COBL: variants seen among roughly 807,000 people sequenced by gnomAD.
COBL encodes the protein protein cordon-bleu.
Under a neutral mutation model 98.8 loss-of-function variants are expected in COBL, and 51 were observed. The observed-to-expected ratio is 0.52, with a 90% CI of 0.41 to 0.65. The LOEUF is 0.65. Ranked by LOEUF, COBL falls within the 30% of genes least tolerant of loss-of-function variation. The probability of loss-of-function intolerance (pLI) is 0.00; values close to 1 mark genes in which losing one functional copy is unlikely to be tolerated. For synonymous variants in COBL, 634 were observed against 651.7 expected (o/e 0.97, Z 0.41); for missense variants, 1,617 against 1,617.5 (o/e 1.00, Z 0.01).
At chr7:51,020,340 A>C (rs2240085) in intron 12 of COBL, among the ~76,000 whole-genome samples, 62,256 of 152,024 alleles carry the variant, frequency 0.41, 15,571 homozygotes, top group Non-Finnish European at 0.58. Context: ...TCTTTGGAAA[A>C]GTTCCTAAGG....
At position 51,028,062 on chromosome 7, in the gene COBL, G is replaced by A. The variant is rs1258852510; in HGVS notation, c.3034C>T (p.Pro1012Ser). 7 of 1,612,536 alleles carry A rather than the reference G, an allele frequency of 4.3e-6. No homozygotes were observed. Among genetic ancestry groups the A allele is most frequent in the Non-Finnish European group, 5.9e-6 (7 of 1,179,270 alleles). Residue 1012 changes from proline (P) to serine (S), a missense_variant, in exon 10 of 13, where the codon CCC (proline) becomes TCC (serine). By Grantham distance (74) the Pro-to-Ser change is moderately conservative. This residue lies in a region of COBL where 1,304 missense variants were observed against 1,282.0 expected (regional missense o/e 1.02). Coordinates refer to ENST00000265136, the MANE Select transcript of COBL (RefSeq NM_015198.5). ...SSQEASSASE[P>S]RRAPDGTDPP... The stretch of plus-strand genomic sequence containing the variant: ...TCTGTACCATCAGGTGCGCGTCTGG[G>A]CTCAGATGCTGAGCTGGCCTCCTGG...
chr7:51,261,514 G>A (rs941137356), intron 1 of COBL, among the ~76,000 whole-genome samples: 4 of 152,188 alleles, frequency 2.6e-5, no homozygotes, highest in Non-Finnish European at 5.9e-5. Context: ...AAACACCAAT[G>A]GTGATTTCGT....
rs754453497 is a variant in COBL, at chr7:51,076,393, G to A, written c.1096+8773C>T. Among the ~76,000 whole-genome samples, 19 of 152,186 alleles carry A rather than the reference G, an allele frequency of 1.2e-4. 1 individual carries two copies. The highest frequency in any genetic ancestry group is 6.5e-5 in the Admixed American group (1 of 15,278). On this transcript the variant is annotated intron_variant, in intron 7 of 12. Coordinates refer to ENST00000265136, the MANE Select transcript of COBL (RefSeq NM_015198.5). ...CTCAAGCAGCACATGGCTGTTCACC[G>A]AGCCAGCAGCCCTTAGTGAGCATCT...
intron 7 of COBL, among the ~76,000 whole-genome samples, chr7:51,062,289 CTCTT>C (rs986973178): frequency 2.2e-4 from 33 of 152,024 alleles, no homozygotes; most frequent in East Asian, 1.5e-3. Context: ...CTCTCTCTCT[CTCTT>C]TAATTTGCGT....
chr7:51,294,074 T>C (rs372994561), intron 1 of COBL, among the ~76,000 whole-genome samples: 10 of 152,212 alleles, frequency 6.6e-5, no homozygotes, highest in African/African-American at 2.2e-4. Flanking sequence ...GCAGATCACT[T>C]GAGGTCAGGA....
chr7:51,197,149 T>C lies in COBL; in HGVS notation c.246-3560A>G, dbSNP rs1038564005. On this transcript the variant is annotated intron_variant, in intron 2 of 12. Transcript: ENST00000265136. ...TAAACTGAGATCTAACTTTTTGATG[T>C]AGGCATTTGCTGCTATAAATTTCTC... Among the ~76,000 whole-genome samples the C allele has an allele frequency of 4.2e-4, 64 of 152,292 alleles. 1 individual carries two copies. The highest frequency in any genetic ancestry group is 3.3e-3 in the Admixed American group (50 of 15,288).
chr7:51,113,873 G>C (rs1797048793), intron 6 of COBL, among the ~76,000 whole-genome samples: 2 of 152,140 alleles, frequency 1.3e-5, no homozygotes, highest in Non-Finnish European at 2.9e-5. Context: ...AAATAATCAA[G>C]GCCTGTGATT....
chr7:51,276,068 A>G (rs923532228), intron 1 of COBL, among the ~76,000 whole-genome samples: 2 of 152,220 alleles, frequency 1.3e-5, no homozygotes, highest in African/African-American at 4.8e-5. Flanking sequence ...ACAAATATCA[A>G]GCTCATAAAT....
intron 6 of COBL, among the ~76,000 whole-genome samples, chr7:51,099,031 G>A (rs1010742138): frequency 1.3e-5 from 2 of 151,510 alleles, no homozygotes; most frequent in Admixed American, 6.6e-5. Flanking sequence ...TAATCATCTG[G>A]GAAATGCAAA....
chr7:51,120,134 G>C (rs1337381686), intron 6 of COBL, among the ~76,000 whole-genome samples: 1 of 152,118 alleles, frequency 6.6e-6, no homozygotes, highest in Non-Finnish European at 1.5e-5. Flanking sequence ...AGAAAAAATA[G>C]AAAACAACAG....
At chr7:51,180,424 G>A (rs1232328955) in intron 5 of COBL, among the ~76,000 whole-genome samples, 4 of 152,230 alleles carry the variant, frequency 2.6e-5, no homozygotes, top group Non-Finnish European at 5.9e-5. Flanking sequence ...GGCACAGTTA[G>A]ATGGTAAATC....
intron 2 of COBL, among the ~76,000 whole-genome samples, chr7:51,200,498 G>A (rs1218681204): frequency 3.9e-5 from 6 of 152,160 alleles, no homozygotes; most frequent in African/African-American, 9.7e-5. Flanking sequence ...TCTGTGGGAG[G>A]GGGAAGTAAA....
At chr7:51,153,825 C>T (rs370320034) in intron 5 of COBL, among the ~76,000 whole-genome samples, 17 of 152,148 alleles carry the variant, frequency 1.1e-4, no homozygotes, top group African/African-American at 3.6e-4. Context: ...AGTGCTGTCA[C>T]GCAGCGGCCA....
In COBL at chr7:51,148,298, C is replaced by T. The variant is rs141927683; in HGVS notation, c.784-11967G>A. On this transcript the variant is annotated intron_variant, in intron 5 of 12. Transcript: ENST00000265136. ...GGACCCATTTCCCCTCATCTTCCCTCGCTTTGTCTTTCTCTCACAGCTCAC... is the reference window on the plus strand; with the variant it reads ...GGACCCATTTCCCCTCATCTTCCCTTGCTTTGTCTTTCTCTCACAGCTCAC... Among the ~76,000 whole-genome samples the T allele has an allele frequency of 2.3e-3, 352 of 152,286 alleles. 1 individual carries two copies. The highest frequency in any genetic ancestry group is 3.7e-3 in the Admixed American group (57 of 15,304).
chr7:51,116,823 G>T (rs1562931619), intron 6 of COBL, among the ~76,000 whole-genome samples: 1 of 152,000 alleles, frequency 6.6e-6, no homozygotes, highest in East Asian at 1.9e-4. Flanking sequence ...ATTTTTGCTG[G>T]GTAGGTAATT....
intron 12 of COBL, chr7:51,021,415 T>G (rs1349317220): frequency 6.6e-6 from 1 of 152,224 alleles, no homozygotes; most frequent in African/African-American, 2.4e-5. Flanking sequence ...ACTACAGCCT[T>G]GAACTCCTGA....
chr7:51,167,375 GA>G (rs1425646193), intron 5 of COBL, among the ~76,000 whole-genome samples: 2 of 151,768 alleles, frequency 1.3e-5, no homozygotes, highest in Non-Finnish European at 2.9e-5. Flanking sequence ...AAATACTTAG[GA>G]ATTAACTAAA....
At chr7:51,258,433 C>T (rs1015876489) in intron 1 of COBL, among the ~76,000 whole-genome samples, 19 of 152,314 alleles carry the variant, frequency 1.2e-4, no homozygotes, top group South Asian at 2.1e-4. Context: ...AAGCAGGACT[C>T]CTTCCTCCAT....
chr7:51,255,797 GC>G (rs1797145873), intron 1 of COBL, among the ~76,000 whole-genome samples: 1 of 152,162 alleles, frequency 6.6e-6, no homozygotes, highest in Non-Finnish European at 1.5e-5. Flanking sequence ...AAGGTGGTGT[GC>G]CGATGCAGGA....
Sources: gnomAD v4.1 joint callset for allele counts (sites outside exome capture counted in the v4.1 genomes callset) on GRCh38, gnomAD v4.1.1 for gene constraint, gnomAD v4.1.1 regional missense constraint, MANE v1.5 for transcripts, NCBI Gene and HGNC (gene_info 2026-07-23, HGNC 2026-07-21) for gene names.